Variants in CNNM2 observed in about 807,000 individuals in gnomAD.
CNNM2 encodes the protein cyclin and CBS domain divalent metal cation transport mediator 2.
CNNM2 carries 12 observed loss-of-function variants against 66.9 expected under a neutral mutation model. That is an observed-to-expected ratio of 0.18 (90% CI 0.11 to 0.29). CNNM2 has a LOEUF of 0.29. Among genes scored for constraint, CNNM2 ranks in the 10% least tolerant of loss-of-function variants. The probability of loss-of-function intolerance (pLI) is 1.00; values close to 1 mark genes in which losing one functional copy is unlikely to be tolerated. For missense variants in CNNM2, 705 were observed against 1,167.7 expected, an observed-to-expected ratio of 0.60 and a Z score of 5.77; for synonymous variants, 557 against 501.8, an observed-to-expected ratio of 1.11 and a Z score of -1.47.
intron 1 of CNNM2, among the ~76,000 whole-genome samples, chr10:102,997,963 A>G (rs922596476): frequency 1.3e-5 from 2 of 152,204 alleles, no homozygotes; most frequent in East Asian, 1.9e-4. Flanking sequence ...GTCATGTTTA[A>G]CATGACTTGC....
chr10:103,059,622 C>A (rs2065350854), intron 4 of CNNM2, among the ~76,000 whole-genome samples: 1 of 152,046 alleles, frequency 6.6e-6, no homozygotes, highest in Admixed American at 6.5e-5. Flanking sequence ...GTTAAAAGCA[C>A]AGTAAATCAT....
At chr10:103,041,692 C>G (rs1374514839) in intron 1 of CNNM2, among the ~76,000 whole-genome samples, 1 of 152,222 alleles carries the variant, frequency 6.6e-6, no homozygotes, top group African/African-American at 2.4e-5. Flanking sequence ...CTTTCGTGAC[C>G]TTTCGGCTGC....
chr10:103,052,306 C>G (rs1359524425), intron 2 of CNNM2, among the ~76,000 whole-genome samples: 1 of 151,104 alleles, frequency 6.6e-6, no homozygotes, highest in African/African-American at 2.4e-5. Context: ...AAAAAAAAAC[C>G]CAAACCGAGT....
At chr10:102,934,279 CTT>C (rs35361809) in intron 1 of CNNM2, among the ~76,000 whole-genome samples, 2 of 133,686 alleles carry the variant, frequency 1.5e-5, no homozygotes. Context: ...TTCTTTCTTT[CTT>C]TTTTTTTTTT....
At chr10:102,988,791 A>G (rs1204704114) in intron 1 of CNNM2, among the ~76,000 whole-genome samples, 1 of 152,198 alleles carries the variant, frequency 6.6e-6, no homozygotes, top group African/African-American at 2.4e-5. Context: ...TCTTGAGTCC[A>G]GCATCAAAGC....
intron 5 of CNNM2, 113 bp from the exon 6 acceptor site, chr10:103,071,661 C>G (rs1334159297): frequency 5.8e-6 from 5 of 855,310 alleles, no homozygotes; most frequent in Non-Finnish European, 1.0e-5. Context: ...ATTTCTGCAA[C>G]TGAATGCTCA....
rs2066150305 is a variant in CNNM2, at chr10:103,089,511, A to G, written c.*12331A>G. ...CAGAGAGTACAGATACACAAAACCAAAACAAGTATCTATGATAATAAAATC... is the reference window on the plus strand; with the variant it reads ...CAGAGAGTACAGATACACAAAACCAGAACAAGTATCTATGATAATAAAATC... On this transcript the variant is annotated 3_prime_UTR_variant, in exon 8 of 8. Transcript: ENST00000369878. 7.5e-7 allele frequency: 1 copy of G among 1,328,274 alleles called. No individual in the cohort carries two copies. Among genetic ancestry groups the G allele is most frequent in the South Asian group, 1.8e-5 (1 of 55,360 alleles). The allele number at this position is 1,328,274 out of a possible 1,614,324, so 82.3% of individuals were successfully genotyped here. A position where few individuals can be genotyped will look rare whatever the true frequency, so the allele number is the denominator to read the frequency against.
intron 2 of CNNM2, among the ~76,000 whole-genome samples, chr10:103,052,504 T>C (rs1316897864): frequency 7.0e-6 from 1 of 143,506 alleles, no homozygotes; most frequent in Non-Finnish European, 1.5e-5. Flanking sequence ...GGACTTGTGG[T>C]TTCAGGTTTT....
chr10:103,057,623 T>TGG (rs2065317414), intron 4 of CNNM2, among the ~76,000 whole-genome samples: 1 of 152,214 alleles, frequency 6.6e-6, no homozygotes, highest in South Asian at 2.1e-4. Flanking sequence ...CATGGGTTAT[T>TGG]GGTCCTTTTT....
intron 5 of CNNM2, among the ~76,000 whole-genome samples, chr10:103,069,076 CTG>C (rs1205057292): frequency 2.6e-5 from 4 of 152,198 alleles, no homozygotes; most frequent in Admixed American, 2.0e-4. Flanking sequence ...AATGGAGACA[CTG>C]TGTGTGTTAC....
chr10:102,951,424 T>A (rs1203368783), intron 1 of CNNM2, among the ~76,000 whole-genome samples: 1 of 152,060 alleles, frequency 6.6e-6, no homozygotes, highest in African/African-American at 2.4e-5. Context: ...TTCGAATTCT[T>A]GATCTCAAGT....
rs1460523268 is a variant in CNNM2, at chr10:103,054,206, G to C, written c.1766-123G>C. The C allele has an allele frequency of 2.8e-5, 31 of 1,103,958 alleles. No homozygotes were observed. Among genetic ancestry groups the C allele is most frequent in the Non-Finnish European group, 3.8e-5 (29 of 771,620 alleles). 68.4% of individuals were successfully genotyped at this position (1,103,958 alleles called of 1,614,324 possible). Reference sequence around the variant, plus strand: ...TCCTTCCCCGTGGCATCTGTGCATAGAGCGCCTGCATCTGGAAATACAGTC... The same window carrying C: ...TCCTTCCCCGTGGCATCTGTGCATACAGCGCCTGCATCTGGAAATACAGTC... On this transcript the variant is annotated intron_variant, in intron 2 of 7. Coordinates refer to ENST00000369878, the MANE Select transcript of CNNM2 (RefSeq NM_017649.5). The surrounding 1 kb of genome is among the most constrained non-coding windows in gnomAD (Gnocchi z 5.2).
intron 4 of CNNM2, among the ~76,000 whole-genome samples, chr10:103,061,301 G>A (rs1338112785): frequency 1.3e-5 from 2 of 152,156 alleles, no homozygotes; most frequent in Admixed American, 6.5e-5. Context: ...GCTGAGGCCC[G>A]AGAATCACTT....
chr10:103,065,458 G>A (rs2065460476), intron 4 of CNNM2, among the ~76,000 whole-genome samples: 1 of 152,188 alleles, frequency 6.6e-6, no homozygotes, highest in Non-Finnish European at 1.5e-5. Context: ...GACAGATGGT[G>A]TGAACCTATG....
Position 102,967,987 on chromosome 10 carries a change from G to A in CNNM2, c.1621+47886G>A, listed in dbSNP as rs527758300. ...TGTGTCACTGTGCTCCAGCCTGAGC[G>A]ACACAGTGAGACTCTGTCTCAAAAT... On this transcript the variant is annotated intron_variant, in intron 1 of 7. Coordinates refer to ENST00000369878, the MANE Select transcript of CNNM2 (RefSeq NM_017649.5). 1.9e-3 allele frequency among the ~76,000 whole-genome samples: 287 copies of A among 152,350 alleles called. 1 individual carries two copies. The highest frequency in any genetic ancestry group is 6.7e-3 in the African/African-American group (279 of 41,586).
intron 1 of CNNM2, among the ~76,000 whole-genome samples, chr10:102,947,518 C>T (rs911321549): frequency 4.6e-5 from 7 of 152,214 alleles, no homozygotes; most frequent in East Asian, 3.9e-4. Flanking sequence ...TTTGGGAGGC[C>T]GAGGTGGGCA....
At chr10:103,071,657 G>A in intron 5 of CNNM2, 117 bp from the exon 6 acceptor site, 2 of 837,336 alleles carry the variant, frequency 2.4e-6, no homozygotes, top group South Asian at 2.7e-5. Flanking sequence ...TTGCATTTCT[G>A]CAACTGAATG....
Position 103,090,172 on chromosome 10 carries a change from C to CA in CNNM2, c.*12997dup. On this transcript the variant is annotated 3_prime_UTR_variant, in exon 8 of 8. Coordinates refer to ENST00000369878, the MANE Select transcript of CNNM2 (RefSeq NM_017649.5). ...GGGGAGTTTACTTTCTATTTTACAG[C>CA]AAAAACAAGATAGTCCTGAAACAGA... The CA allele has an allele frequency of 4.9e-6, 2 of 408,374 alleles. No homozygotes were observed. Among genetic ancestry groups the CA allele is most frequent in the Middle Eastern group, 6.4e-4 (1 of 1,572 alleles). The allele number at this position is 408,374 out of a possible 1,614,324, so 25.3% of individuals were successfully genotyped here.
At position 103,089,965 on chromosome 10, in the gene CNNM2, CA is replaced by C; in HGVS notation, c.*12788del. 7.1e-7 allele frequency: 1 copy of C among 1,410,532 alleles called. No homozygotes were observed. The allele number at this position is 1,410,532 out of a possible 1,614,324, so 87.4% of individuals were successfully genotyped here. ...CAGGCAGAGCAAAGTAGCTACTCCC[CA>C]AATCCTAACCCCTCTCCTCTGTTAG... On this transcript the variant is annotated 3_prime_UTR_variant, in exon 8 of 8. Transcript: ENST00000369878.
Sources: allele counts gnomAD v4.1 joint callset (sites outside exome capture counted in the v4.1 genomes callset), GRCh38; gene constraint gnomAD v4.1.1; non-coding constraint Gnocchi (gnomAD v3.1); transcripts MANE v1.5; gene names NCBI Gene and HGNC (gene_info 2026-07-23, HGNC 2026-07-21).